HMCN1: variants seen among roughly 807,000 people sequenced by gnomAD.
HMCN1 encodes hemicentin 1, also known as hemicentin-1.
In HMCN1, 321 loss-of-function variants were observed where a neutral mutation model predicts 625.9. The ratio of observed to expected loss-of-function variants is 0.51; its 90% confidence interval spans 0.47 to 0.56. The LOEUF (loss-of-function observed/expected upper bound fraction) is 0.56. Ranked by LOEUF, HMCN1 falls within the 20% of genes least tolerant of loss-of-function variation. The pLI, the probability that HMCN1 is intolerant of heterozygous loss-of-function variation, is 0.00. For missense variants in HMCN1, 6,588 were observed against 6,887.3 expected, an observed-to-expected ratio of 0.96 and a Z score of 1.54; for synonymous variants, 2,425 against 2,417.6, an observed-to-expected ratio of 1.00 and a Z score of -0.09.
intron 103 of HMCN1, among the ~76,000 whole-genome samples, chr1:186,177,895 T>C (rs1463113860): frequency 2.6e-5 from 4 of 152,116 alleles, no homozygotes; most frequent in Non-Finnish European, 4.4e-5. Context: ...CTTTTTTTTT[T>C]CCAGAGGAAG....
intron 78 of HMCN1, 130 bp downstream of exon 78, chr1:186,119,428 C>T: frequency 1.3e-6 from 1 of 784,318 alleles, no homozygotes; most frequent in East Asian, 2.5e-5. Flanking sequence ...ATATGAAAGC[C>T]TGGTAGATAC....
intron 42 of HMCN1, among the ~76,000 whole-genome samples, chr1:186,051,591 T>C (rs544142502): frequency 6.6e-6 from 1 of 152,202 alleles, no homozygotes; most frequent in East Asian, 1.9e-4. Flanking sequence ...GCAATCTATG[T>C]AATTGTGTCA....
At position 186,132,428 on chromosome 1, in the gene HMCN1, C is replaced by CTAAT. The variant is rs1273911784; in HGVS notation, c.13312+23_13312+26dup. ...CTGCAAAGTAAGCTGCTTAATGAAA[C>CTAAT]TAATTAAACACTTGATTTAGGAAAT... On this transcript the variant is annotated intron_variant, in intron 86 of 106. Transcript: ENST00000271588. 1.3e-6 allele frequency: 2 copies of CTAAT among 1,554,258 alleles called. No individual in the cohort carries two copies. Among genetic ancestry groups the CTAAT allele is most frequent in the East Asian group, 2.3e-5 (1 of 43,868 alleles).
At chr1:185,944,474 A>C (rs1431341201) in intron 11 of HMCN1, among the ~76,000 whole-genome samples, 1 of 152,232 alleles carries the variant, frequency 6.6e-6, no homozygotes, top group African/African-American at 2.4e-5. Context: ...TAGAAAAGGT[A>C]CAAAGTGGAT....
intron 23 of HMCN1, 102 bp downstream of exon 23, chr1:185,993,411 G>A (rs745436364): frequency 1.5e-6 from 2 of 1,327,680 alleles, no homozygotes; most frequent in East Asian, 2.5e-5. Flanking sequence ...TGTATATAGA[G>A]TGATTAAAGA....
intron 57 of HMCN1, among the ~76,000 whole-genome samples, chr1:186,084,452 C>T (rs1174533760): frequency 1.8e-4 from 27 of 152,072 alleles, no homozygotes; most frequent in Admixed American, 1.8e-3. Flanking sequence ...GAGTTCCTGA[C>T]TGCAATCAGG....
intron 66 of HMCN1, 93 bp from the exon 67 acceptor site, chr1:186,094,183 C>T: frequency 6.1e-6 from 6 of 991,540 alleles, no homozygotes; most frequent in Non-Finnish European, 9.5e-6. Context: ...CAACATAAAT[C>T]ACCACCTATA....
intron 30 of HMCN1, among the ~76,000 whole-genome samples, chr1:186,011,850 G>A (rs958819231): frequency 2.6e-5 from 4 of 152,152 alleles, no homozygotes; most frequent in Non-Finnish European, 5.9e-5. Flanking sequence ...GAAACACTAT[G>A]AAGTTTACAG....
At chr1:185,784,063 T>C (rs1221254171) in intron 1 of HMCN1, among the ~76,000 whole-genome samples, 3 of 151,996 alleles carry the variant, frequency 2.0e-5, no homozygotes, top group Admixed American at 6.6e-5. Context: ...CGGTCGCCCC[T>C]CCCCCCGCCT....
Position 186,189,714 on chromosome 1 carries a change from T to C in HMCN1, c.16744T>C (p.Leu5582=), listed in dbSNP as rs1347586544. The C allele has an allele frequency of 3.1e-6, 5 of 1,613,400 alleles. No homozygotes were observed. Among genetic ancestry groups the C allele is most frequent in the Non-Finnish European group, 4.2e-6 (5 of 1,179,552 alleles). ...TGAGGAACAGACTGTTCCTTTTGCC[T>C]TGAGGGATGAAAACCTGAAAGGAGT... ...VDEEQTVPFA[L]RDENLKGVVY... The change falls in exon 107 of 107, where the codon TTG becomes CTG. Residue 5582 remains leucine, a synonymous_variant. Transcript: ENST00000271588.
At chr1:186,161,769 A>G (rs1402049760) in intron 97 of HMCN1, among the ~76,000 whole-genome samples, 1 of 152,168 alleles carries the variant, frequency 6.6e-6, no homozygotes, top group Non-Finnish European at 1.5e-5. Context: ...TCTGGCTTGT[A>G]GAGTTTCTGC....
At chr1:185,896,286 A>C (rs775680129) in intron 4 of HMCN1, among the ~76,000 whole-genome samples, 6 of 152,054 alleles carry the variant, frequency 3.9e-5, no homozygotes, top group Non-Finnish European at 7.4e-5. Context: ...ACTCTTTTTA[A>C]TGTCTTTTGC....
chr1:185,911,140 C>T (rs1460444936), intron 5 of HMCN1, among the ~76,000 whole-genome samples: 1 of 152,104 alleles, frequency 6.6e-6, no homozygotes, highest in Non-Finnish European at 1.5e-5. Context: ...AAGATATGCC[C>T]AGGGCTCTCA....
intron 55 of HMCN1, among the ~76,000 whole-genome samples, chr1:186,080,483 C>T (rs1282584051): frequency 1.3e-5 from 2 of 152,150 alleles, no homozygotes; most frequent in Non-Finnish European, 2.9e-5. Flanking sequence ...TTTTTCATAA[C>T]TAATGTGTAG....
At chr1:185,932,878 T>C (rs1281411048) in intron 10 of HMCN1, among the ~76,000 whole-genome samples, 1 of 152,104 alleles carries the variant, frequency 6.6e-6, no homozygotes, top group Non-Finnish European at 1.5e-5. Flanking sequence ...TAGAGAAACA[T>C]GTGATTCTCT....
chr1:185,965,326 G>A (rs974538914), intron 13 of HMCN1, among the ~76,000 whole-genome samples: 5 of 152,054 alleles, frequency 3.3e-5, no homozygotes, highest in African/African-American at 1.2e-4. Context: ...TCCTTAAAAT[G>A]ACGTAGAAAA....
At chr1:186,074,921 T>C (rs781708635) in intron 53 of HMCN1, 30 bp downstream of exon 53, 25 of 1,518,616 alleles carry the variant, frequency 1.6e-5, no homozygotes, top group Non-Finnish European at 1.9e-5. Context: ...GTATATAATG[T>C]AATTTATATG....
intron 20 of HMCN1, 34 bp from the exon 21 acceptor site, chr1:185,989,454 C>CAA (rs143748038): frequency 1.2e-6 from 2 of 1,612,168 alleles, no homozygotes; most frequent in Non-Finnish European, 1.7e-6. Flanking sequence ...AACAAACAAA[C>CAA]AAAAAACCCT....
intron 1 of HMCN1, among the ~76,000 whole-genome samples, chr1:185,794,637 T>G (rs1367754271): frequency 1.3e-5 from 2 of 148,588 alleles, no homozygotes; most frequent in Non-Finnish European, 1.5e-5. Flanking sequence ...TGCTTTATAT[T>G]CTAGCTGTGC....
Sources: gnomAD v4.1 joint callset for allele counts (sites outside exome capture counted in the v4.1 genomes callset) on GRCh38, gnomAD v4.1.1 for gene constraint, MANE v1.5 for transcripts, NCBI Gene and HGNC (gene_info 2026-07-23, HGNC 2026-07-21) for gene names.